The following ERICH3 variants were observed in gnomAD, a reference collection of about 807,000 sequenced individuals.
The protein encoded by ERICH3 is glutamate rich 3.
ERICH3 carries 126 observed loss-of-function variants against 131.1 expected under a neutral mutation model. The ratio of observed to expected loss-of-function variants is 0.96; its 90% CI spans 0.83 to 1.11. The LOEUF (loss-of-function observed/expected upper bound fraction) is 1.11, where lower values mean the gene tolerates loss of function less well. Ranked by LOEUF, ERICH3 falls within the 50% of genes most tolerant of loss-of-function variation. The pLI, the probability that ERICH3 is intolerant of heterozygous loss-of-function variation, is 0.00. For synonymous variants in ERICH3, 695 were observed against 644.6 expected, an observed-to-expected ratio of 1.08 and a Z score of -1.18; for missense variants, 2,050 against 1,810.7, an observed-to-expected ratio of 1.13 and a Z score of -2.40.
chr1:74,634,870 T>C (rs1646374465), intron 6 of ERICH3: 4 of 511,400 alleles, frequency 7.8e-6, no homozygotes, highest in African/African-American at 2.0e-5. Flanking sequence ...ATAGGCCTTA[T>C]ACGATTAACA....
At chr1:74,612,893 C>G (rs1648768405) in intron 8 of ERICH3, 84 bp from the exon 9 acceptor site, 1 of 1,206,650 alleles carries the variant, frequency 8.3e-7, no homozygotes, top group Non-Finnish European at 1.1e-6. Flanking sequence ...ATTAGATAAA[C>G]ACAATATTAT....
intron 2 of ERICH3, 121 bp from the exon 3 acceptor site, chr1:74,646,913 CACAG>C (rs1456210867): frequency 1.5e-5 from 4 of 266,968 alleles, no homozygotes; most frequent in East Asian, 1.5e-4. Context: ...CACACACACA[CACAG>C]AGAGAGAAAG....
chr1:74,636,616 C>T (rs1646391923), intron 5 of ERICH3, among the ~76,000 whole-genome samples, 178 bp from the exon 6 acceptor site: 1 of 152,138 alleles, frequency 6.6e-6, no homozygotes, highest in South Asian at 2.1e-4. Flanking sequence ...TTTGTTAAAA[C>T]ATATGGTGTT....
In ERICH3 at chr1:74,589,645, C is replaced by T; in HGVS notation, c.2162G>A (p.Gly721Glu). 2.5e-6 allele frequency: 4 copies of T among 1,613,838 alleles called. No homozygotes were observed. The highest frequency in any genetic ancestry group is 1.1e-5 in the South Asian group (1 of 91,048). Reference protein sequence around the residue: ...QVKDKKAGLPGLEEGGKDSLP... With the variant: ...QVKDKKAGLPELEEGGKDSLP... ...GCCATACTTACCACCTTCCTCCAACCCAGGGAGACCTGCCTTTTTGTCCTT... is the reference window on the plus strand; with the variant it reads ...GCCATACTTACCACCTTCCTCCAACTCAGGGAGACCTGCCTTTTTGTCCTT... Residue 721 changes from glycine to glutamate, a missense_variant, in exon 12 of 15, where the codon GGG becomes GAG. Transcript: ENST00000326665.
rs1331424700 is a variant in ERICH3, at chr1:74,568,575, G to T, written c.*1883C>A. On this transcript the variant is annotated 3_prime_UTR_variant, in exon 15 of 15. Coordinates refer to ENST00000326665, the MANE Select transcript of ERICH3 (RefSeq NM_001002912.5). ...AGATGATGGAGATTTATGATGTGCA[G>T]TGAGTAATATCCTTGAATAGGGAGT... 6.6e-6 allele frequency: 1 copy of T among 152,152 alleles called. No homozygotes were observed. Among genetic ancestry groups the T allele is most frequent in the African/African-American group, 2.4e-5 (1 of 41,446 alleles). The allele number at this position is 152,152 out of a possible 1,614,324, so 9.4% of individuals were successfully genotyped here. A position where few individuals can be genotyped will look rare whatever the true frequency, so the allele number is the denominator to read the frequency against.
intron 12 of ERICH3, among the ~76,000 whole-genome samples, chr1:74,577,799 T>G (rs946722126): frequency 4.6e-5 from 7 of 151,938 alleles, no homozygotes; most frequent in African/African-American, 1.7e-4. Context: ...AAAAAAACAG[T>G]TTAGTTGCAT....
rs888224596 is a variant in ERICH3, at chr1:74,573,344, A to G, written c.2366T>C (p.Val789Ala). 3 of 1,611,328 alleles carry G rather than the reference A, an allele frequency of 1.9e-6. No homozygotes were observed. The highest frequency in any genetic ancestry group is 3.3e-4 in the Middle Eastern group (2 of 6,028). Residue 789 changes from valine to alanine, a missense_variant, in exon 14 of 15, where the codon GTA becomes GCA. Physicochemically the swap from Val to Ala is moderately conservative, Grantham distance 64. Coordinates refer to ENST00000326665, the MANE Select transcript of ERICH3 (RefSeq NM_001002912.5). The part of the protein sequence containing the change: ...EAPQHRDADI[V>A]QGKGEAALWG... ...CAGTGCTGCCTCCCCTTTTCCCTGT[A>G]CTATGTCAGCATCTCTGTGCTGGGG... is the stretch of plus-strand genomic sequence containing the variant.
At chr1:74,627,718 C>A (rs1337685952) in intron 7 of ERICH3, among the ~76,000 whole-genome samples, 2 of 151,896 alleles carry the variant, frequency 1.3e-5, no homozygotes, top group African/African-American at 4.8e-5. Context: ...CACACATATG[C>A]AGATTTTTTT....
rs767836444 is a variant in ERICH3, at chr1:74,572,583, C to G, written c.3127G>C (p.Glu1043Gln). 13 of 1,613,942 alleles carry G rather than the reference C, an allele frequency of 8.1e-6. No homozygotes were observed. The highest frequency in any genetic ancestry group is 1.1e-5 in the South Asian group (1 of 91,076). ...GGTAAAATTTCTTTCCTATCATCTT[C>G]CCTATTAGCTTCTGCCTCAGTCACC... The part of the protein sequence containing the change: ...EMVTEAEANR[E>Q]DDRKEILPKE... The change falls in exon 14 of 15, where the codon GAA becomes CAA. Residue 1043 changes from glutamate (E) to glutamine (Q), a missense_variant. Physicochemically the swap from Glu to Gln is conservative, Grantham distance 29 (BLOSUM62 2). Transcript: ENST00000326665.
At chr1:74,649,496 T>C (rs1646513800) in intron 1 of ERICH3, among the ~76,000 whole-genome samples, 181 bp from the exon 2 acceptor site, 1 of 152,092 alleles carries the variant, frequency 6.6e-6, no homozygotes, top group Non-Finnish European at 1.5e-5. Flanking sequence ...TATGATAAGA[T>C]CTAGAAAATC....
At chr1:74,596,826 C>G (rs149572494) in intron 11 of ERICH3, among the ~76,000 whole-genome samples, 2 of 152,108 alleles carry the variant, frequency 1.3e-5, no homozygotes, top group African/African-American at 4.8e-5. Context: ...AACCAGGGTC[C>G]TCTCTTAGTC....
rs1237254486 is a variant in ERICH3 at position 74,649,322 on chromosome 1, T to C, written c.24-7A>G. ...ATTATATGCAGCAAGTAACCTAAAA[T>C]ACAAAAATAAAACCAATAAGCTTTT... On this transcript the variant is annotated splice_polypyrimidine_tract_variant and splice_region_variant and intron_variant, in intron 1 of 14. Coordinates refer to ENST00000326665, the MANE Select transcript of ERICH3 (RefSeq NM_001002912.5). 8 of 1,603,330 alleles carry C rather than the reference T, an allele frequency of 5.0e-6. No individual in the cohort carries two copies. Among genetic ancestry groups the C allele is most frequent in the African/African-American group, 1.3e-5 (1 of 74,564 alleles).
intron 12 of ERICH3, among the ~76,000 whole-genome samples, chr1:74,577,725 AAG>A (rs1163027297): frequency 6.6e-6 from 1 of 152,182 alleles, no homozygotes; most frequent in African/African-American, 2.4e-5. Flanking sequence ...GCATTAAAAA[AAG>A]AGAGAGAGAG....
chr1:74,614,243 G>C (rs1648835770), intron 8 of ERICH3, among the ~76,000 whole-genome samples: 1 of 151,840 alleles, frequency 6.6e-6, no homozygotes, highest in Non-Finnish European at 1.5e-5. Context: ...TGAAGTTGAT[G>C]CATCTTTTTT....
At chr1:74,609,574 G>A (rs1158802432) in intron 9 of ERICH3, among the ~76,000 whole-genome samples, 1 of 151,836 alleles carries the variant, frequency 6.6e-6, no homozygotes, top group Non-Finnish European at 1.5e-5. Context: ...TGAGGAAGAG[G>A]ACAAACAAAC....
chr1:74,669,586 C>T (rs1386037139), intron 1 of ERICH3, among the ~76,000 whole-genome samples: 1 of 151,884 alleles, frequency 6.6e-6, no homozygotes, highest in Non-Finnish European at 1.5e-5. Flanking sequence ...TGTAATTTTC[C>T]ACTCTAAAAC....
rs1458575011 is a variant in ERICH3 at position 74,572,843 on chromosome 1, G to T, written c.2867C>A (p.Thr956Lys). The change falls in exon 14 of 15, where the codon ACA becomes AAA. Residue 956 changes from threonine (T) to lysine (K), a missense_variant. Thr to Lys is a moderately conservative substitution (Grantham distance 78). Coordinates refer to ENST00000326665, the MANE Select transcript of ERICH3 (RefSeq NM_001002912.5). ...EEEASIDLED[T>K]GPMEDTASKR... Reference sequence around the variant, plus strand: ...TGATGCTGTGTCCTCCATGGGTCCTGTGTCCTCTAGGTCTATGGATGCTTC... The same window carrying T: ...TGATGCTGTGTCCTCCATGGGTCCTTTGTCCTCTAGGTCTATGGATGCTTC... 6.2e-7 allele frequency: 1 copy of T among 1,613,608 alleles called. No homozygotes were observed. The highest frequency in any genetic ancestry group is 1.3e-5 in the African/African-American group (1 of 74,862).
chr1:74,585,208 G>A (rs1647274124), intron 12 of ERICH3, among the ~76,000 whole-genome samples: 1 of 152,112 alleles, frequency 6.6e-6, no homozygotes, highest in Non-Finnish European at 1.5e-5. Context: ...CACAATGCAT[G>A]ACAGCTTAAG....
intron 7 of ERICH3, chr1:74,626,058 T>G (rs1000525314): frequency 1.3e-5 from 2 of 152,234 alleles, no homozygotes; most frequent in Admixed American, 1.3e-4. Context: ...ATATTTTAGA[T>G]ATACTTGATT....
Sources: allele counts gnomAD v4.1 joint callset (sites outside exome capture counted in the v4.1 genomes callset), GRCh38; gene constraint gnomAD v4.1.1; transcripts MANE v1.5; gene names NCBI Gene and HGNC (gene_info 2026-07-23, HGNC 2026-07-21).